Variants in CEP120 observed in about 807,000 individuals in gnomAD.
The protein encoded by CEP120 is centrosomal protein 120.
CEP120 carries 113 observed loss-of-function variants against 126.5 expected under a neutral mutation model. The ratio of observed to expected loss-of-function variants is 0.89; its 90% CI spans 0.77 to 1.04. The LOEUF is 1.04. CEP120 is among the 50% of genes least tolerant of loss of function. The pLI is 0.00. For missense variants in CEP120, 1,230 were observed against 1,155.7 expected (o/e 1.06, Z -0.93); for synonymous variants, 400 against 394.3 (o/e 1.01, Z -0.17).
chr5:123,357,874 T>C (rs866963294), intron 18 of CEP120, among the ~76,000 whole-genome samples: 2 of 148,970 alleles, frequency 1.3e-5, no homozygotes, highest in Non-Finnish European at 2.9e-5. Flanking sequence ...CATCTGACAA[T>C]AGCCAATTAT....
chr5:123,382,702 A>C (rs1771731847), intron 13 of CEP120, 35 bp downstream of exon 13: 1 of 1,582,278 alleles, frequency 6.3e-7, no homozygotes. Context: ...AGAGCAGACA[A>C]AGCAGATTTT....
chr5:123,351,479 C>A (rs757263183), intron 18 of CEP120, among the ~76,000 whole-genome samples: 7 of 152,014 alleles, frequency 4.6e-5, no homozygotes, highest in Non-Finnish European at 8.8e-5. Context: ...TTATACATGT[C>A]TTTTGGAACA....
chr5:123,407,136 A>G (rs970357595), intron 4 of CEP120, among the ~76,000 whole-genome samples: 1 of 151,526 alleles, frequency 6.6e-6, no homozygotes, highest in Non-Finnish European at 1.5e-5. Context: ...ACAAAAAAGT[A>G]TAACTGATAT....
At position 123,386,675 on chromosome 5, in the gene CEP120, T is replaced by TAAAAAAAA. The variant is rs1562047830; in HGVS notation, c.1431-9_1431-8insTTTTTTTT. On this transcript the variant is annotated splice_polypyrimidine_tract_variant and intron_variant, in intron 9 of 19. Transcript: ENST00000306467. ...AAGAATGGATATGAGTACCTAGAAT[T>TAAAAAAAA]TAAAAAAAAAAAAAAAAAAAAAAGC... 1.5e-5 allele frequency: 10 copies of TAAAAAAAA among 688,984 alleles called. 2 individuals carry two copies. The highest frequency in any genetic ancestry group is 5.5e-6 in the Non-Finnish European group (3 of 543,718). 42.7% of individuals were successfully genotyped at this position (688,984 alleles called of 1,614,324 possible).
Position 123,364,546 on chromosome 5 carries a change from A to G in CEP120, c.2530T>C (p.Tyr844His), listed in dbSNP as rs1562009472. ...LESATKSKLH[Y>H]KQQWGRALKE... ...AAAGCTCGTCCCCACTGCTGCTTGT[A>G]ATGCAGTTTAGACTTAGTTGCAGAT... Residue 844 changes from tyrosine to histidine, a missense_variant, in exon 18 of 20, where the codon TAC becomes CAC. By Grantham distance (83) the Tyr-to-His change is moderately conservative. Coordinates refer to ENST00000306467, the MANE Select transcript of CEP120 (RefSeq NM_001375405.1). 1 of 1,607,186 alleles carries G rather than the reference A, an allele frequency of 6.2e-7. No homozygotes were observed. Among genetic ancestry groups the G allele is most frequent in the African/African-American group, 1.3e-5 (1 of 74,686 alleles).
rs1771309082 is a variant in CEP120 at position 123,377,391 on chromosome 5, G to A, written c.2341C>T (p.His781Tyr). 1.9e-6 allele frequency: 3 copies of A among 1,609,324 alleles called. No homozygotes were observed. The highest frequency in any genetic ancestry group is 1.3e-5 in the African/African-American group (1 of 74,730). The change falls in exon 16 of 20, where the codon CAC (histidine) becomes TAC (tyrosine). Residue 781 changes from histidine (H) to tyrosine (Y), a missense_variant. Transcript: ENST00000306467. ...TATCCAACCTGTTGCTGAAGGCGGT[G>A]TTTATCCTCTTCGAGCTGTTTGATT... ...LKIKQLEEDK[H>Y]RLQQQLNDAE...
chr5:123,375,179 C>G (rs990436336), intron 16 of CEP120, among the ~76,000 whole-genome samples: 2 of 152,070 alleles, frequency 1.3e-5, no homozygotes, highest in Non-Finnish European at 2.9e-5. Context: ...CTTCCTACCC[C>G]CTTTTTTTCC....
rs561369147 is a variant in CEP120, at chr5:123,406,059, G to A, written c.463+6340C>T. 5.8e-4 allele frequency among the ~76,000 whole-genome samples: 87 copies of A among 150,640 alleles called. 1 individual carries two copies. The South Asian group carries it at 7.1e-3, about 12-fold the overall frequency. The stretch of plus-strand genomic sequence containing the variant: ...GAGACAAAAATACTAAAACAGAAAT[G>A]AATGACTATGAGAATTGGTTCATTA... On this transcript the variant is annotated intron_variant, in intron 4 of 19. Coordinates refer to ENST00000306467, the MANE Select transcript of CEP120 (RefSeq NM_001375405.1).
chr5:123,382,822 G>C lies in CEP120; in HGVS notation c.1928C>G (p.Thr643Arg), dbSNP rs147996416. Reference protein sequence around the residue: ...PPAPCPSEIQTEPRETLEYKA... With the variant: ...PPAPCPSEIQREPRETLEYKA... Reference sequence around the variant, plus strand: ...GTATTCTAACGTTTCACGAGGCTCTGTCTGGATCTCTGAAGGACAAGGTGC... The same window carrying C: ...GTATTCTAACGTTTCACGAGGCTCTCTCTGGATCTCTGAAGGACAAGGTGC... The change falls in exon 13 of 20, where the codon ACA (threonine) becomes AGA (arginine). Residue 643 changes from threonine to arginine, a missense_variant. By Grantham distance (71) the Thr-to-Arg change is moderately conservative. Coordinates refer to ENST00000306467, the MANE Select transcript of CEP120 (RefSeq NM_001375405.1). The C allele has an allele frequency of 6.8e-6, 11 of 1,613,340 alleles. No individual in the cohort carries two copies. Among genetic ancestry groups the C allele is most frequent in the Middle Eastern group, 1.6e-4 (1 of 6,078 alleles).
chr5:123,349,214 A>T (rs982355386), intron 19 of CEP120, among the ~76,000 whole-genome samples: 2 of 152,190 alleles, frequency 1.3e-5, no homozygotes, highest in Admixed American at 1.3e-4. Context: ...AATCTCTGGA[A>T]TCGGATCTGA....
Position 123,389,911 on chromosome 5 carries a change from C to T in CEP120, c.1255+13G>A, listed in dbSNP as rs1229373161. ...ACCTCAAAGATCTATAAACAAACAACAAAAAACCTTACCTTTTGGATTTGG... is the reference window on the plus strand; with the variant it reads ...ACCTCAAAGATCTATAAACAAACAATAAAAAACCTTACCTTTTGGATTTGG... On this transcript the variant is annotated intron_variant, in intron 8 of 19. Coordinates refer to ENST00000306467, the MANE Select transcript of CEP120 (RefSeq NM_001375405.1). 1 of 1,607,854 alleles carries T rather than the reference C, an allele frequency of 6.2e-7. No individual in the cohort carries two copies. Among genetic ancestry groups the T allele is most frequent in the Non-Finnish European group, 8.5e-7 (1 of 1,174,858 alleles).
Position 123,386,656 on chromosome 5 carries a change from G to C in CEP120, c.1442C>G (p.Pro481Arg). Residue 481 changes from proline (P) to arginine (R), a missense_variant, in exon 10 of 20, where the codon CCA (proline) becomes CGA (arginine). Transcript: ENST00000306467. ...AATAGGAGCTGCACTTCCAAAGAAT[G>C]GATATGAGTACCTAGAATTTAAAAA... ...PINCILRYSY[P>R]FFGSAAPIMT... is the part of the protein sequence containing the mutation. The C allele has an allele frequency of 1.2e-6, 1 of 859,528 alleles. No homozygotes were observed. Among genetic ancestry groups the C allele is most frequent in the Non-Finnish European group, 1.6e-6 (1 of 606,130 alleles). 53.2% of individuals were successfully genotyped at this position (859,528 alleles called of 1,614,324 possible). A position where few individuals can be genotyped will look rare whatever the true frequency, so the allele number is the denominator to read the frequency against.
intron 18 of CEP120, among the ~76,000 whole-genome samples, chr5:123,353,510 T>TAA (rs200281449): frequency 2.6e-5 from 2 of 76,006 alleles, no homozygotes; most frequent in African/African-American, 1.0e-4. Context: ...CTAGTCTCAT[T>TAA]AAAAAAAAAG....
At chr5:123,412,337 C>T (rs1774111449) in intron 4 of CEP120, 62 bp downstream of exon 4, 11 of 1,519,942 alleles carry the variant, frequency 7.2e-6, no homozygotes, top group Non-Finnish European at 8.0e-6. Context: ...ACTCCCGCTT[C>T]CTAAAGCTCT....
intron 14 of CEP120, among the ~76,000 whole-genome samples, chr5:123,379,036 A>C (rs75107956): frequency 0.029 from 4,388 of 149,962 alleles, 78 homozygotes; most frequent in Middle Eastern, 0.048. Context: ...AGTGTAGTCC[A>C]AAAAAAAAAT....
Position 123,346,765 on chromosome 5 carries a change from A to C in CEP120, c.2727-12T>G. 1 of 1,563,210 alleles carries C rather than the reference A, an allele frequency of 6.4e-7. No individual in the cohort carries two copies. The highest frequency in any genetic ancestry group is 8.7e-7 in the Non-Finnish European group (1 of 1,155,634). On this transcript the variant is annotated splice_polypyrimidine_tract_variant and intron_variant, in intron 19 of 19. Transcript: ENST00000306467. Reference sequence around the variant, plus strand: ...CTTGTTGCCTTAACCTGAGAAGTCAAGAACAAATGCCACTGTAGCAACTGT... The same window carrying C: ...CTTGTTGCCTTAACCTGAGAAGTCACGAACAAATGCCACTGTAGCAACTGT...
intron 18 of CEP120, among the ~76,000 whole-genome samples, chr5:123,356,028 A>G (rs9688114): frequency 0.22 from 32,853 of 151,998 alleles, 3,792 homozygotes; most frequent in East Asian, 0.35. Flanking sequence ...CATTTATTAA[A>G]TAGGGAATCC....
At chr5:123,401,523 T>G (rs1238208596) in intron 4 of CEP120, 3 of 1,287,278 alleles carry the variant, frequency 2.3e-6, no homozygotes, top group African/African-American at 1.5e-5. Flanking sequence ...TCGGCCTGGC[T>G]GCGGTTGGCG....
At chr5:123,400,704 CAAAAA>C (rs35093126) in intron 4 of CEP120, among the ~76,000 whole-genome samples, 2 of 93,790 alleles carry the variant, frequency 2.1e-5, no homozygotes, top group Non-Finnish European at 4.0e-5. Context: ...TATTTTGGAC[CAAAAA>C]AAAAAAAAAA....
Sources: gnomAD v4.1 joint callset for allele counts (sites outside exome capture counted in the v4.1 genomes callset) on GRCh38, gnomAD v4.1.1 for gene constraint, MANE v1.5 for transcripts, NCBI Gene and HGNC (gene_info 2026-07-23, HGNC 2026-07-21) for gene names.